AHI1: variants seen among roughly 807,000 people sequenced by gnomAD.
AHI1 encodes the protein jouberin.
Under a neutral mutation model 149.3 loss-of-function variants are expected in AHI1, and 123 were observed. That is an observed-to-expected ratio of 0.82 (90% CI 0.71 to 0.96). AHI1 has a LOEUF of 0.96. Ranked by LOEUF, AHI1 falls within the 40% of genes least tolerant of loss-of-function variation. AHI1 has a pLI of 0.00. For synonymous variants in AHI1, 475 were observed against 459.8 expected (o/e 1.03, Z -0.42); for missense variants, 1,439 against 1,422.7 (o/e 1.01, Z -0.18).
chr6:135,406,956 GATTTACC>G (rs1489269978), intron 21 of AHI1, among the ~76,000 whole-genome samples: 3 of 152,180 alleles, frequency 2.0e-5, no homozygotes, highest in Admixed American at 2.0e-4. Flanking sequence ...CTTAGAATGA[GATTTACC>G]AACGCTCTCA....
intron 5 of AHI1, among the ~76,000 whole-genome samples, chr6:135,482,475 T>C (rs550791488): frequency 1.7e-4 from 26 of 152,156 alleles, no homozygotes; most frequent in Non-Finnish European, 3.4e-4. Context: ...CACTGTTTTT[T>C]TTTTTGTTTG....
rs941100761 is a variant in AHI1 at position 135,295,375 on chromosome 6, A to G, written c.3486-4850T>C. Among the ~76,000 whole-genome samples the G allele has an allele frequency of 2.6e-5, 4 of 152,252 alleles. No homozygotes were observed. The East Asian group carries it at 7.7e-4, about 29-fold the overall frequency. On this transcript the variant is annotated intron_variant, in intron 27 of 28. Transcript: ENST00000265602. ...TTCTTAAAAAGTTAAGCATAAACCAACTATATAGTCCAGCCATTCTACTTC... is the reference window on the plus strand; with the variant it reads ...TTCTTAAAAAGTTAAGCATAAACCAGCTATATAGTCCAGCCATTCTACTTC...
At chr6:135,385,959 GT>G (rs1429090719) in intron 23 of AHI1, among the ~76,000 whole-genome samples, 1 of 152,168 alleles carries the variant, frequency 6.6e-6, no homozygotes, top group East Asian at 1.9e-4. Context: ...TTTTTATGAT[GT>G]TATAGCATTT....
intron 12 of AHI1, among the ~76,000 whole-genome samples, chr6:135,447,943 T>C (rs1787499059): frequency 1.3e-5 from 2 of 152,228 alleles, no homozygotes; most frequent in Non-Finnish European, 2.9e-5. Context: ...TTTCACACTA[T>C]AAAGGCAAAA....
chr6:135,360,198 T>G (rs2128439765), intron 23 of AHI1, among the ~76,000 whole-genome samples: 1 of 152,330 alleles, frequency 6.6e-6, no homozygotes, highest in Non-Finnish European at 1.5e-5. Context: ...TAACAATAAT[T>G]GAAAGCTCAT....
chr6:135,435,312 T>C (rs1181296583), intron 15 of AHI1: 1 of 152,216 alleles, frequency 6.6e-6, no homozygotes, highest in African/African-American at 2.4e-5. Context: ...TTTAGCATAA[T>C]ATACTACATA....
intron 20 of AHI1, among the ~76,000 whole-genome samples, chr6:135,416,940 T>G (rs1782467311): frequency 6.6e-6 from 1 of 152,102 alleles, no homozygotes; most frequent in Non-Finnish European, 1.5e-5. Context: ...TGTAGATTGT[T>G]GTGGATTTGA....
chr6:135,458,247 T>C (rs1402692668), intron 8 of AHI1, among the ~76,000 whole-genome samples: 1 of 152,192 alleles, frequency 6.6e-6, no homozygotes, highest in Admixed American at 6.5e-5. Context: ...TTTTTGTCTC[T>C]GGGGACATTT....
intron 22 of AHI1, among the ~76,000 whole-genome samples, chr6:135,397,110 G>C (rs974145665): frequency 6.6e-6 from 1 of 151,754 alleles, no homozygotes; most frequent in East Asian, 1.9e-4. Context: ...TGTCCATAAA[G>C]TGATGAGAGC....
intron 20 of AHI1, among the ~76,000 whole-genome samples, chr6:135,423,682 C>T (rs926197153): frequency 1.3e-5 from 2 of 152,084 alleles, no homozygotes; most frequent in African/African-American, 2.4e-5. Flanking sequence ...TGTTTCATAA[C>T]ACAGCTCAAC....
chr6:135,434,734 C>A (rs114217765), intron 15 of AHI1, among the ~76,000 whole-genome samples: 3,686 of 151,438 alleles, frequency 0.024, 66 homozygotes, highest in East Asian at 0.054. Flanking sequence ...TCATAGAGAA[C>A]AAAGAAATAC....
intron 24 of AHI1, among the ~76,000 whole-genome samples, chr6:135,327,132 T>C (rs138608439): frequency 6.6e-6 from 1 of 152,002 alleles, no homozygotes; most frequent in Admixed American, 6.6e-5. Flanking sequence ...ACTGAGAAAA[T>C]AAATTTCTGC....
At chr6:135,411,665 A>G (rs1030180144) in intron 20 of AHI1, 121 bp from the exon 21 acceptor site, 6 of 676,362 alleles carry the variant, frequency 8.9e-6, no homozygotes, top group African/African-American at 1.8e-5. Flanking sequence ...CTGGGTAATA[A>G]TAAGACACCA....
chr6:135,433,763 T>C (rs1784991585), intron 15 of AHI1, among the ~76,000 whole-genome samples: 1 of 151,968 alleles, frequency 6.6e-6, no homozygotes, highest in Non-Finnish European at 1.5e-5. Flanking sequence ...CTCAAAGATT[T>C]AAGAGATACT....
intron 24 of AHI1, among the ~76,000 whole-genome samples, chr6:135,335,895 C>T (rs892982088): frequency 6.6e-5 from 10 of 151,764 alleles, no homozygotes; most frequent in African/African-American, 2.4e-4. Flanking sequence ...GGTGGATCAC[C>T]TGAGGTCAGG....
chr6:135,462,324 A>C (rs1790026787), intron 8 of AHI1, among the ~76,000 whole-genome samples: 4 of 152,048 alleles, frequency 2.6e-5, no homozygotes, highest in Non-Finnish European at 5.9e-5. Context: ...AAATAAGAGA[A>C]AACAAACAAG....
rs550657872 is a variant in AHI1 at position 135,374,391 on chromosome 6, C to T, written c.3110-16204G>A. Among the ~76,000 whole-genome samples the T allele has an allele frequency of 1.3e-4, 20 of 152,014 alleles. No individual in the cohort carries two copies. In the East Asian group the frequency reaches 1.5e-3, roughly 12 times the overall value. On this transcript the variant is annotated intron_variant, in intron 23 of 28. Transcript: ENST00000265602. ...CCTCCCAAAGTGCTGGGATTACAGG[C>T]GTGAGCCACCGCGCTCGGCCCTTTT...
rs1167083326 is a variant in AHI1, at chr6:135,376,881, C to CAA, written c.3109+17893_3109+17894dup. On this transcript the variant is annotated intron_variant, in intron 23 of 28. Coordinates refer to ENST00000265602, the MANE Select transcript of AHI1 (RefSeq NM_001134831.2). ...TCGGTGACAGAGCGAGACTCCATCT[C>CAA]AAAAAAAAAAAAAAAAAAAAAAAAA... Among the ~76,000 whole-genome samples, 57 of 29,440 alleles carry CAA rather than the reference C, an allele frequency of 1.9e-3. 13 individuals are homozygous for CAA. The highest frequency in any genetic ancestry group is 4.5e-3 in the East Asian group (4 of 894). The allele number at this position is 29,440 out of a possible 152,430, so 19.3% of individuals were successfully genotyped here. A position where few individuals can be genotyped will look rare whatever the true frequency, so the allele number is the denominator to read the frequency against.
intron 5 of AHI1, among the ~76,000 whole-genome samples, chr6:135,480,435 G>A (rs1189887436): frequency 6.6e-6 from 1 of 151,800 alleles, no homozygotes; most frequent in Non-Finnish European, 1.5e-5. Flanking sequence ...TCCAGCCTGA[G>A]TGACAGAGCA....
Sources: gnomAD v4.1 joint callset for allele counts (sites outside exome capture counted in the v4.1 genomes callset) on GRCh38, gnomAD v4.1.1 for gene constraint, MANE v1.5 for transcripts, NCBI Gene and HGNC (gene_info 2026-07-23, HGNC 2026-07-21) for gene names.